The following RBM47 variants were observed in gnomAD, a reference collection of about 807,000 sequenced individuals.
RBM47 encodes the protein RNA-binding protein 47.
In RBM47, 21 loss-of-function variants were observed where a neutral mutation model predicts 47.1. That is an observed-to-expected ratio of 0.45 (90% CI 0.32 to 0.64). RBM47 has a LOEUF of 0.64. RBM47 is among the 30% of genes least tolerant of loss of function. The probability of loss-of-function intolerance (pLI) is 0.05; values close to 1 mark genes in which losing one functional copy is unlikely to be tolerated. For synonymous variants in RBM47, 375 were observed against 361.7 expected (o/e 1.04, Z -0.42); for missense variants, 708 against 870.9 (o/e 0.81, Z 2.35).
At chr4:40,630,249 C>G (rs976752616), upstream of RBM47, 1 of 152,314 alleles carries the variant, frequency 6.6e-6, no homozygotes, top group Non-Finnish European at 1.5e-5. Context: ...GGCATCTGTC[C>G]GAGTCAGACG....
intron 1 of RBM47, among the ~76,000 whole-genome samples, chr4:40,579,568 G>A (rs1732687283): frequency 6.6e-6 from 1 of 151,892 alleles, no homozygotes; most frequent in African/African-American, 2.4e-5. Flanking sequence ...GACTTAAGTG[G>A]GAACTAGATT....
intron 3 of RBM47, among the ~76,000 whole-genome samples, chr4:40,449,778 A>C (rs142476341): frequency 0.053 from 8,127 of 152,258 alleles, 233 homozygotes; most frequent in Non-Finnish European, 0.075. Context: ...GCCCGGGTTC[A>C]AGTGATTCTC....
intron 2 of RBM47, among the ~76,000 whole-genome samples, chr4:40,533,795 T>A (rs1234949149): frequency 6.6e-6 from 1 of 151,464 alleles, no homozygotes. Context: ...GGACTACAGG[T>A]GCGTGCCACC....
intron 2 of RBM47, among the ~76,000 whole-genome samples, chr4:40,509,339 T>C (rs1454490123): frequency 6.6e-6 from 1 of 152,172 alleles, no homozygotes; most frequent in African/African-American, 2.4e-5. Context: ...AACACACTAT[T>C]ACTTTCTTGG....
intron 2 of RBM47, among the ~76,000 whole-genome samples, chr4:40,517,483 G>C (rs1180657045): frequency 1.3e-5 from 2 of 152,042 alleles, no homozygotes; most frequent in Non-Finnish European, 2.9e-5. Flanking sequence ...TGCACCCCCT[G>C]GCATGGAGTC....
chr4:40,542,942 CTGTGG>C (rs1372796193), intron 2 of RBM47: 3 of 152,162 alleles, frequency 2.0e-5, no homozygotes, highest in Non-Finnish European at 4.4e-5. Context: ...TAAAGTAGCC[CTGTGG>C]GGACAGCAAT....
At chr4:40,507,885 G>C (rs1724340417) in intron 2 of RBM47, among the ~76,000 whole-genome samples, 2 of 152,090 alleles carry the variant, frequency 1.3e-5, no homozygotes, top group East Asian at 3.9e-4. Context: ...TGGCTGGCCA[G>C]CTCTCCAACA....
chr4:40,592,973 ATATATATTTTTT>A (rs1323400568), intron 1 of RBM47, among the ~76,000 whole-genome samples: 573 of 17,954 alleles, frequency 0.032, 18 homozygotes, highest in Non-Finnish European at 0.041. Flanking sequence ...ATATATATAT[ATATATATTTTTT>A]TTTTTTTTTT....
intron 3 of RBM47, among the ~76,000 whole-genome samples, chr4:40,449,325 C>A (rs1267747256): frequency 6.6e-6 from 1 of 152,122 alleles, no homozygotes; most frequent in Non-Finnish European, 1.5e-5. Flanking sequence ...GTTGAAGATA[C>A]AAGGGAATAA....
At chr4:40,444,448 G>T (rs1388718629) in intron 3 of RBM47, among the ~76,000 whole-genome samples, 1 of 151,170 alleles carries the variant, frequency 6.6e-6, no homozygotes, top group South Asian at 2.1e-4. Context: ...AAAAGATAAT[G>T]TGTGGCTGCT....
At chr4:40,509,709 G>A (rs901902777) in intron 2 of RBM47, among the ~76,000 whole-genome samples, 13 of 147,138 alleles carry the variant, frequency 8.8e-5, no homozygotes, top group Admixed American at 7.6e-4. Flanking sequence ...GTGAAACCCC[G>A]TCTCCACTAA....
intron 1 of RBM47, among the ~76,000 whole-genome samples, chr4:40,564,572 G>T (rs188635387): frequency 9.8e-5 from 15 of 152,294 alleles, no homozygotes; most frequent in Admixed American, 9.1e-4. Context: ...TAAAGCAGGA[G>T]AAATAAACAG....
At chr4:40,472,357 C>G (rs1201180265) in intron 2 of RBM47, among the ~76,000 whole-genome samples, 1 of 152,008 alleles carries the variant, frequency 6.6e-6, no homozygotes, top group Non-Finnish European at 1.5e-5. Context: ...GGTGGATCAC[C>G]TGAGGTCAGG....
chr4:40,575,530 C>T (rs1577992640), intron 1 of RBM47, among the ~76,000 whole-genome samples: 1 of 110,238 alleles, frequency 9.1e-6, no homozygotes, highest in Middle Eastern at 6.0e-3. Flanking sequence ...CCAGCCTGGG[C>T]AACAAGAGCG....
chr4:40,598,783 G>C (rs182882893), intron 1 of RBM47, among the ~76,000 whole-genome samples: 1 of 149,228 alleles, frequency 6.7e-6, no homozygotes, highest in Non-Finnish European at 1.5e-5. Flanking sequence ...GTGTCCATCT[G>C]TCCTCTGCTC....
At chr4:40,576,256 T>TGG (rs72400279) in intron 1 of RBM47, among the ~76,000 whole-genome samples, 18,107 of 117,112 alleles carry the variant, frequency 0.15, 1,546 homozygotes, top group Admixed American at 0.2. Flanking sequence ...TTTTTTTTTT[T>TGG]GGGGGGGGGC....
chr4:40,507,376 T>C (rs1005579331), intron 2 of RBM47, among the ~76,000 whole-genome samples: 1 of 152,192 alleles, frequency 6.6e-6, no homozygotes, highest in Non-Finnish European at 1.5e-5. Flanking sequence ...TTTCCTTATG[T>C]ATACACACTA....
intron 3 of RBM47, among the ~76,000 whole-genome samples, chr4:40,447,850 A>G (rs1174924673): frequency 6.6e-6 from 1 of 152,160 alleles, no homozygotes; most frequent in East Asian, 1.9e-4. Flanking sequence ...CTCTACTAAA[A>G]ATACAAAAAA....
At chr4:40,589,996 A>C (rs574087976) in intron 1 of RBM47, among the ~76,000 whole-genome samples, 1 of 152,078 alleles carries the variant, frequency 6.6e-6, no homozygotes, top group South Asian at 2.1e-4. Flanking sequence ...AAAAAACAGC[A>C]GCTCAAATGT....
Sources: gnomAD v4.1 joint callset for allele counts (sites outside exome capture counted in the v4.1 genomes callset) on GRCh38, gnomAD v4.1.1 for gene constraint, MANE v1.5 for transcripts, NCBI Gene and HGNC (gene_info 2026-07-23, HGNC 2026-07-21) for gene names.